ZNF804B: variants seen among roughly 807,000 people sequenced by gnomAD.
ZNF804B encodes zinc finger protein 804B, also known as zinc finger 804B.
A neutral mutation model predicts 101.4 loss-of-function variants in ZNF804B; 80 were observed. The observed-to-expected ratio is 0.79, with a 90% CI of 0.66 to 0.95. The LOEUF (loss-of-function observed/expected upper bound fraction) is 0.95, where lower values mean the gene tolerates loss of function less well. ZNF804B is among the 40% of genes least tolerant of loss of function. The pLI is 0.00. For synonymous variants in ZNF804B, 622 were observed against 558.8 expected (o/e 1.11, Z -1.59); for missense variants, 1,673 against 1,561.9 (o/e 1.07, Z -1.20).
chr7:89,309,319 G>A (rs575868961), intron 2 of ZNF804B, among the ~76,000 whole-genome samples: 12 of 152,254 alleles, frequency 7.9e-5, no homozygotes, highest in South Asian at 4.1e-4. Flanking sequence ...TGCAAAGGGC[G>A]TGATTTCATT....
intron 1 of ZNF804B, among the ~76,000 whole-genome samples, chr7:88,999,015 C>T (rs1391502958): frequency 6.6e-6 from 1 of 152,080 alleles, no homozygotes; most frequent in Non-Finnish European, 1.5e-5. Flanking sequence ...TTCCTATTAG[C>T]ATTTTAGTCA....
At chr7:88,802,726 A>G (rs891928786) in intron 1 of ZNF804B, among the ~76,000 whole-genome samples, 41 of 152,040 alleles carry the variant, frequency 2.7e-4, no homozygotes, top group Non-Finnish European at 5.3e-4. Context: ...ACAGGAAAAA[A>G]AAAAAGGGAA....
intron 2 of ZNF804B, among the ~76,000 whole-genome samples, chr7:89,301,898 C>T (rs969836191): frequency 1.3e-5 from 2 of 151,780 alleles, no homozygotes; most frequent in African/African-American, 4.8e-5. Context: ...ACCTGCAACA[C>T]ATTTTATAAC....
chr7:88,854,476 T>TTTCTTTCTCTTTG lies in ZNF804B; in HGVS notation c.108+94392_108+94393insTTCTTTCTCTTTG, dbSNP rs1554340148. Among the ~76,000 whole-genome samples the TTTCTTTCTCTTTG allele has an allele frequency of 1.0e-4, 5 of 48,762 alleles. No individual in the cohort carries two copies. The East Asian group carries it at 2.3e-3, about 22-fold the overall frequency. The allele number at this position is 48,762 out of a possible 152,430, so 32.0% of individuals were successfully genotyped here. ...CTTTCTTTCTTTCTTTCTTTCTTTC[T>TTTCTTTCTCTTTG]CTTTCCTTTCCTTTCCTTTCCTTTC... On this transcript the variant is annotated intron_variant, in intron 1 of 3. Transcript: ENST00000333190.
At chr7:88,819,825 C>G (rs968529270) in intron 1 of ZNF804B, among the ~76,000 whole-genome samples, 1 of 152,056 alleles carries the variant, frequency 6.6e-6, no homozygotes, top group Non-Finnish European at 1.5e-5. Flanking sequence ...AATTATGATT[C>G]CACTGCTTGA....
intron 1 of ZNF804B, among the ~76,000 whole-genome samples, chr7:89,212,389 A>G (rs1584057965): frequency 6.6e-6 from 1 of 152,218 alleles, no homozygotes. Flanking sequence ...GTAACAAAAG[A>G]CAAATTAACA....
rs1007790332 is a variant in ZNF804B, at chr7:88,958,338, G to A, written c.108+198254G>A. On this transcript the variant is annotated intron_variant, in intron 1 of 3. Transcript: ENST00000333190. ...TTATTCATAAAAATGGAGGCTCCTCGTGCATATGACAAATACACAATTCAA... is the reference window on the plus strand; with the variant it reads ...TTATTCATAAAAATGGAGGCTCCTCATGCATATGACAAATACACAATTCAA... Among the ~76,000 whole-genome samples, 7 of 151,386 alleles carry A rather than the reference G, an allele frequency of 4.6e-5. No individual in the cohort carries two copies. In the East Asian group the frequency reaches 5.9e-4, roughly 13 times the overall value.
At chr7:88,963,548 CAT>C (rs1453943254) in intron 1 of ZNF804B, among the ~76,000 whole-genome samples, 6 of 151,350 alleles carry the variant, frequency 4.0e-5, no homozygotes, top group Admixed American at 3.3e-4. Flanking sequence ...AAAATCTAAA[CAT>C]ATGAGTAAAA....
chr7:89,017,860 A>AT (rs555590732), intron 1 of ZNF804B, among the ~76,000 whole-genome samples: 2 of 151,450 alleles, frequency 1.3e-5, no homozygotes, highest in Non-Finnish European at 2.9e-5. Flanking sequence ...TTGTTGGTTG[A>AT]TTTTTTTCTT....
intron 1 of ZNF804B, among the ~76,000 whole-genome samples, chr7:89,214,517 A>T (rs1484295030): frequency 1.3e-5 from 2 of 152,172 alleles, no homozygotes; most frequent in Non-Finnish European, 2.9e-5. Context: ...TAATTATTTC[A>T]GAGAGTAAAT....
chr7:88,827,872 T>C (rs1791071664), intron 1 of ZNF804B, among the ~76,000 whole-genome samples: 1 of 152,128 alleles, frequency 6.6e-6, no homozygotes, highest in Non-Finnish European at 1.5e-5. Flanking sequence ...AATAGATAGC[T>C]ACCTGAAAAA....
intron 1 of ZNF804B, among the ~76,000 whole-genome samples, chr7:89,108,400 G>T (rs1790166988): frequency 6.6e-6 from 1 of 152,016 alleles, no homozygotes; most frequent in Admixed American, 6.6e-5. Context: ...GACAGATCAT[G>T]ACTGGCCATC....
intron 2 of ZNF804B, among the ~76,000 whole-genome samples, chr7:89,227,620 G>A (rs112631794): frequency 6.6e-6 from 1 of 152,164 alleles, no homozygotes; most frequent in Non-Finnish European, 1.5e-5. Context: ...TTTCATTAGG[G>A]GTTTTAGTAA....
At chr7:89,071,383 T>C (rs1789536498) in intron 1 of ZNF804B, among the ~76,000 whole-genome samples, 1 of 152,220 alleles carries the variant, frequency 6.6e-6, no homozygotes, top group South Asian at 2.1e-4. Context: ...TTTTTATTTT[T>C]AAAAATTTCA....
At chr7:89,090,206 A>G (rs960609053) in intron 1 of ZNF804B, among the ~76,000 whole-genome samples, 7 of 152,066 alleles carry the variant, frequency 4.6e-5, no homozygotes, top group Admixed American at 1.3e-4. Flanking sequence ...TACAAAGAAT[A>G]AAAACTTCAC....
intron 1 of ZNF804B, among the ~76,000 whole-genome samples, chr7:88,847,395 A>G (rs1451467475): frequency 6.6e-6 from 1 of 152,092 alleles, no homozygotes; most frequent in Non-Finnish European, 1.5e-5. Flanking sequence ...TTTAAAAAAT[A>G]TATTTAGCTT....
At chr7:88,962,497 T>A (rs538828451) in intron 1 of ZNF804B, among the ~76,000 whole-genome samples, 46 of 150,882 alleles carry the variant, frequency 3.0e-4, no homozygotes, top group African/African-American at 1.0e-3. Context: ...AAAGAAGAGT[T>A]CCTAACGAGG....
rs752967398 is a variant in ZNF804B at position 88,794,237 on chromosome 7, G to A, written c.108+34153G>A. The stretch of plus-strand genomic sequence containing the variant: ...TCAGAATCCAGAGTGATGTGTATGG[G>A]TCTATTATACATGTTTATAAATGTT... On this transcript the variant is annotated intron_variant, in intron 1 of 3. Coordinates refer to ENST00000333190, the MANE Select transcript of ZNF804B (RefSeq NM_181646.5). The A allele has an allele frequency of 2.6e-5, 42 of 1,613,308 alleles. No individual in the cohort carries two copies. The Admixed American group carries it at 2.7e-4, about 10-fold the overall frequency.
At chr7:89,216,892 C>T (rs17167519) in intron 1 of ZNF804B, among the ~76,000 whole-genome samples, 18,593 of 152,156 alleles carry the variant, frequency 0.12, 1,223 homozygotes, top group Middle Eastern at 0.25. Flanking sequence ...TTCATTCATT[C>T]TTTATACATA....
Sources: allele counts gnomAD v4.1 joint callset (sites outside exome capture counted in the v4.1 genomes callset), GRCh38; gene constraint gnomAD v4.1.1; transcripts MANE v1.5; gene names NCBI Gene and HGNC (gene_info 2026-07-23, HGNC 2026-07-21).